KANSL2: variants seen among roughly 807,000 people sequenced by gnomAD.
The protein encoded by KANSL2 is NSL complex protein NSL2.
Under a neutral mutation model 55.6 loss-of-function variants are expected in KANSL2, and 34 were observed. The ratio of observed to expected loss-of-function variants is 0.61; its 90% CI spans 0.46 to 0.81. The LOEUF (loss-of-function observed/expected upper bound fraction) is 0.81. KANSL2 is among the 40% of genes least tolerant of loss of function. KANSL2 has a pLI of 0.00. For missense variants in KANSL2, 502 were observed against 609.9 expected, an observed-to-expected ratio of 0.82 and a Z score of 1.86; for synonymous variants, 209 against 214.3, an observed-to-expected ratio of 0.98 and a Z score of 0.22.
chr12:48,674,919 C>CT (rs1354414634), intron 4 of KANSL2, among the ~76,000 whole-genome samples: 3 of 150,484 alleles, frequency 2.0e-5, no homozygotes, highest in Admixed American at 2.0e-4. Flanking sequence ...GAACGAGACT[C>CT]TGTCTCCAAA....
At chr12:48,676,487 GTC>G (rs1939824108) in intron 4 of KANSL2, among the ~76,000 whole-genome samples, 1 of 152,014 alleles carries the variant, frequency 6.6e-6, no homozygotes, top group Non-Finnish European at 1.5e-5. Context: ...GAGAAACCCC[GTC>G]TCTACTAAAA....
chr12:48,663,606 T>C (rs1418295296), intron 7 of KANSL2, among the ~76,000 whole-genome samples: 1 of 152,136 alleles, frequency 6.6e-6, no homozygotes, highest in Non-Finnish European at 1.5e-5. Context: ...TCTATGATAA[T>C]CCACTTCCAT....
chr12:48,672,433 A>ATATATATATATATATATATATTTT (rs371918890), intron 4 of KANSL2, among the ~76,000 whole-genome samples: 1 of 120,384 alleles, frequency 8.3e-6, no homozygotes, highest in African/African-American at 3.6e-5. Context: ...ATATATATAT[A>ATATATATATATATATATATATTTT]TTTTTTTTTT....
intron 6 of KANSL2, among the ~76,000 whole-genome samples, chr12:48,668,653 G>A (rs1378113946): frequency 3.3e-5 from 5 of 152,070 alleles, no homozygotes; most frequent in East Asian, 1.9e-4. Context: ...GAGCCAAGAC[G>A]GCGCCATTGC....
intron 3 of KANSL2, 157 bp from the exon 4 acceptor site, chr12:48,679,307 TTAAGAAAATACAAC>T: frequency 1.4e-6 from 1 of 691,226 alleles, no homozygotes; most frequent in South Asian, 1.6e-5. Flanking sequence ...TAAAAACGCT[TTAAGAAAATACAAC>T]CCAAGTAAGA....
chr12:48,667,592 A>G, intron 7 of KANSL2, 101 bp downstream of exon 7: 2 of 968,296 alleles, frequency 2.1e-6, no homozygotes, highest in Non-Finnish European at 1.7e-6. Flanking sequence ...ATTCAGGGCC[A>G]AAGGAAAACA....
chr12:48,671,387 G>A (rs777094521), intron 5 of KANSL2, among the ~76,000 whole-genome samples: 15 of 151,738 alleles, frequency 9.9e-5, no homozygotes, highest in African/African-American at 1.7e-4. Context: ...TACTTATAAC[G>A]TCTAAAGTAG....
chr12:48,660,922 C>T (rs7314100), intron 7 of KANSL2, among the ~76,000 whole-genome samples: 5,120 of 152,220 alleles, frequency 0.034, 313 homozygotes, highest in African/African-American at 0.12. Context: ...AGCAGTAACA[C>T]TCCTAGGAAC....
intron 8 of KANSL2, among the ~76,000 whole-genome samples, chr12:48,658,311 T>A (rs539464512): frequency 6.6e-6 from 1 of 152,166 alleles, no homozygotes; most frequent in East Asian, 1.9e-4. Context: ...GGAATGTGTA[T>A]GTTTTCAGAA....
chr12:48,661,856 G>A (rs938731827), intron 7 of KANSL2, among the ~76,000 whole-genome samples: 10 of 152,150 alleles, frequency 6.6e-5, no homozygotes, highest in African/African-American at 2.4e-4. Flanking sequence ...CATCTGAGTT[G>A]TAACAACCAA....
At chr12:48,677,748 G>A (rs1939849239) in intron 4 of KANSL2, among the ~76,000 whole-genome samples, 1 of 120,804 alleles carries the variant, frequency 8.3e-6, no homozygotes, top group African/African-American at 3.2e-5. Flanking sequence ...TCATGCCACT[G>A]CACTCCAGCC....
chr12:48,681,467 C>G lies in KANSL2; in HGVS notation c.166G>C (p.Ala56Pro). ...ATATAACTACACTGCTTGAAGGGTG[C>G]ATTCTTGTCTTCAAGGATATGCTTA... The part of the protein sequence containing the change: ...CIKHILEDKN[A>P]PFKQCSYIST... The change falls in exon 2 of 10, where the codon GCA (alanine) becomes CCA (proline). Residue 56 changes from alanine (A) to proline (P), a missense_variant. Transcript: ENST00000420613. The G allele has an allele frequency of 6.2e-7, 1 of 1,613,912 alleles. No homozygotes were observed. Among genetic ancestry groups the G allele is most frequent in the Non-Finnish European group, 8.5e-7 (1 of 1,179,860 alleles).
chr12:48,675,605 G>C (rs1226678444), intron 4 of KANSL2, among the ~76,000 whole-genome samples: 3 of 151,944 alleles, frequency 2.0e-5, no homozygotes, highest in Non-Finnish European at 4.4e-5. Context: ...ACTGCACCCT[G>C]TCAGAAGAGA....
Position 48,654,143 on chromosome 12 carries a change from T to A in KANSL2, c.1380A>T (p.Arg460Ser). The A allele has an allele frequency of 1.2e-6, 2 of 1,612,008 alleles. No homozygotes were observed. The highest frequency in any genetic ancestry group is 1.7e-6 in the Non-Finnish European group (2 of 1,179,246). The change falls in exon 10 of 10, where the codon AGA (arginine) becomes AGT (serine). Residue 460 changes from arginine (R) to serine (S), a missense_variant. Arg to Ser is a moderately radical substitution (Grantham distance 110, BLOSUM62 -1). Coordinates refer to ENST00000420613, the MANE Select transcript of KANSL2 (RefSeq NM_017822.4). ...TCTCAGAATTTCGAGATCCCTGGGA[T>A]CTGCACCCATCTCCAGCCATCTGCA... is the stretch of plus-strand genomic sequence containing the variant. ...GQMQMAGDGC[R>S]SQGSRNSEKA...
At chr12:48,664,879 C>CT (rs367566566) in intron 7 of KANSL2, among the ~76,000 whole-genome samples, 10,065 of 94,484 alleles carry the variant, frequency 0.11, 977 homozygotes, top group Non-Finnish European at 0.13. Context: ...ACTGCGCCCG[C>CT]TTTTTTTTTT....
intron 1 of KANSL2, 30 bp downstream of exon 1, chr12:48,682,157 A>G (rs2081007739): frequency 1.4e-6 from 1 of 700,450 alleles, no homozygotes; most frequent in African/African-American, 1.7e-5. Context: ...CAACCGCAAG[A>G]GCTTAGAGGA....
At chr12:48,662,750 T>A (rs1412387983) in intron 7 of KANSL2, 1 of 750,670 alleles carries the variant, frequency 1.3e-6, no homozygotes, top group Non-Finnish European at 1.8e-6. Context: ...CCTTCTCTTT[T>A]CAAATACATT....
intron 7 of KANSL2, among the ~76,000 whole-genome samples, chr12:48,664,514 G>A (rs1306718739): frequency 1.3e-5 from 2 of 150,630 alleles, no homozygotes; most frequent in African/African-American, 4.9e-5. Flanking sequence ...TCCTGACCTC[G>A]TGATCTGCCC....
In KANSL2 at chr12:48,679,818, A is replaced by G. The variant is rs535807766; in HGVS notation, c.267T>C (p.Ala89=). ...PEKKDGVSFC[A]EHVRRNALAL... ...CCAGGGCATTCCTACGGACATGTTC[A>G]GCACAGAAGGACACCCTGAAGAGAC... The change falls in exon 3 of 10, where the codon GCT becomes GCC. Residue 89 remains alanine, a synonymous_variant. Coordinates refer to ENST00000420613, the MANE Select transcript of KANSL2 (RefSeq NM_017822.4). 3.1e-6 allele frequency: 5 copies of G among 1,603,644 alleles called. No homozygotes were observed. In the Admixed American group the frequency reaches 5.2e-5, roughly 17 times the overall value.
Sources: gnomAD v4.1 joint callset for allele counts (sites outside exome capture counted in the v4.1 genomes callset) on GRCh38, gnomAD v4.1.1 for gene constraint, MANE v1.5 for transcripts, NCBI Gene and HGNC (gene_info 2026-07-23, HGNC 2026-07-21) for gene names.